CNTLN: variants seen among roughly 807,000 people sequenced by gnomAD.
The protein encoded by CNTLN is centlein, also known as centlein, centrosomal protein.
CNTLN carries 212 observed loss-of-function variants against 180.0 expected under a neutral mutation model. The observed-to-expected ratio is 1.18, with a 90% confidence interval of 1.05 to 1.32. The LOEUF (loss-of-function observed/expected upper bound fraction) is 1.32, where lower values mean the gene tolerates loss of function less well. Among genes scored for constraint, CNTLN ranks in the 40% most tolerant of loss-of-function variants. The probability of loss-of-function intolerance (pLI) is 0.00; values close to 1 mark genes in which losing one functional copy is unlikely to be tolerated. For synonymous variants in CNTLN, 722 were observed against 563.1 expected (o/e 1.28, Z -3.99); for missense variants, 2,095 against 1,610.9 (o/e 1.30, Z -5.14).
chr9:17,245,610 A>G (rs184819399), intron 5 of CNTLN, among the ~76,000 whole-genome samples: 8 of 152,052 alleles, frequency 5.3e-5, no homozygotes, highest in Admixed American at 4.6e-4. Context: ...GTTCTCTGAT[A>G]TTATCCCTTT....
the CNTLN span, among the ~76,000 whole-genome samples, chr9:17,523,480 T>G: frequency 6.6e-6 from 1 of 152,042 alleles, no homozygotes; most frequent in Admixed American, 6.6e-5. Flanking sequence ...CAAGTGATAC[T>G]CCTGCCTCAG....
intron 3 of CNTLN, among the ~76,000 whole-genome samples, chr9:17,233,235 T>TA (rs1163014745): frequency 3.3e-5 from 5 of 152,110 alleles, no homozygotes; most frequent in Non-Finnish European, 7.4e-5. Context: ...ACACATGAAG[T>TA]AAGTTTCGTA....
At chr9:17,505,129 C>T (rs1258738389), downstream of CNTLN, among the ~76,000 whole-genome samples, 1 of 67,864 alleles carries the variant, frequency 1.5e-5, no homozygotes, top group Non-Finnish European at 3.1e-5. Flanking sequence ...CAAAAATTGG[C>T]ACTCATTTAT....
intron 2 of CNTLN, among the ~76,000 whole-genome samples, chr9:17,147,455 G>A (rs954713801): frequency 6.6e-6 from 1 of 151,992 alleles, no homozygotes; most frequent in Non-Finnish European, 1.5e-5. Flanking sequence ...TACTAATTGG[G>A]TACTTATAAG....
chr9:17,164,658 G>T (rs1586972579), intron 2 of CNTLN, among the ~76,000 whole-genome samples: 1 of 150,980 alleles, frequency 6.6e-6, no homozygotes, highest in East Asian at 2.0e-4. Flanking sequence ...TGTTGGCCAG[G>T]CTCGTCTCGA....
chr9:17,476,363 T>G (rs1832346826), intron 23 of CNTLN, among the ~76,000 whole-genome samples: 1 of 152,146 alleles, frequency 6.6e-6, no homozygotes, highest in Admixed American at 6.5e-5. Context: ...GACCTCTAAG[T>G]GTTCAAATGA....
At position 17,432,803 on chromosome 9, in the gene CNTLN, T is replaced by C. The variant is rs370033657; in HGVS notation, c.3114+16614T>C. Among the ~76,000 whole-genome samples the C allele has an allele frequency of 2.6e-5, 4 of 152,100 alleles. No homozygotes were observed. In the East Asian group the frequency reaches 7.7e-4, roughly 29 times the overall value. On this transcript the variant is annotated intron_variant, in intron 18 of 25. Coordinates refer to ENST00000380647, the MANE Select transcript of CNTLN (RefSeq NM_017738.4). The stretch of plus-strand genomic sequence containing the variant: ...GGAAGGCAGAGGTGGGCAGATCACC[T>C]GAGGTCATGAGTTCGAGACCAGCCT...
intron 2 of CNTLN, among the ~76,000 whole-genome samples, chr9:17,187,628 T>C (rs1248232970): frequency 1.3e-5 from 2 of 151,998 alleles, no homozygotes; most frequent in African/African-American, 4.8e-5. Context: ...ACTAGCATTT[T>C]CTTATTTTCC....
chr9:17,160,008 A>G (rs1819566895), intron 2 of CNTLN, among the ~76,000 whole-genome samples: 2 of 152,266 alleles, frequency 1.3e-5, no homozygotes, highest in Middle Eastern at 3.4e-3. Flanking sequence ...TCAATAGATA[A>G]ATACTGGATC....
chr9:17,506,726 A>G (rs56159214), downstream of CNTLN, among the ~76,000 whole-genome samples: 1,078 of 18,092 alleles, frequency 0.06, 6 homozygotes, highest in East Asian at 0.18. Context: ...TTCTCAAATA[A>G]CTGTAAAAAC....
intron 13 of CNTLN, among the ~76,000 whole-genome samples, chr9:17,383,202 G>A (rs890072205): frequency 2.7e-4 from 41 of 152,012 alleles, no homozygotes; most frequent in African/African-American, 9.9e-4. Flanking sequence ...ACAGATTTTG[G>A]TTGCTTCTGT....
chr9:17,194,574 A>G (rs749095951), intron 2 of CNTLN, among the ~76,000 whole-genome samples: 1 of 152,162 alleles, frequency 6.6e-6, no homozygotes, highest in African/African-American at 2.4e-5. Flanking sequence ...TTTATTATCC[A>G]TATCAGTATC....
At chr9:17,288,159 C>T (rs1178732956) in intron 6 of CNTLN, among the ~76,000 whole-genome samples, 1 of 125,046 alleles carries the variant, frequency 8.0e-6, no homozygotes, top group Non-Finnish European at 1.6e-5. Context: ...CTATAAATTT[C>T]CCTCTACACA....
chr9:17,401,104 T>C lies in CNTLN; in HGVS notation c.2615+6035T>C, dbSNP rs143213874. Among the ~76,000 whole-genome samples, 557 of 152,310 alleles carry C rather than the reference T, an allele frequency of 3.7e-3. 4 individuals carry two copies. The highest frequency in any genetic ancestry group is 0.012 in the African/African-American group (519 of 41,572). On this transcript the variant is annotated intron_variant, in intron 15 of 25. Transcript: ENST00000380647. ...TGTCTGTACTTTCTGAAAATAGCAA[T>C]CTTGCTTTAGGTTCCTAGCATTTTA...
intron 2 of CNTLN, among the ~76,000 whole-genome samples, chr9:17,202,122 A>G (rs1822574680): frequency 1.3e-5 from 2 of 152,274 alleles, no homozygotes; most frequent in South Asian, 4.1e-4. Context: ...AGGTTGTTCA[A>G]TTCCCATGTA....
At chr9:17,143,994 A>G (rs1245943846) in intron 2 of CNTLN, among the ~76,000 whole-genome samples, 1 of 152,242 alleles carries the variant, frequency 6.6e-6, no homozygotes, top group Admixed American at 6.5e-5. Flanking sequence ...TAGCACAGCA[A>G]TGAAAACACT....
At chr9:17,209,535 A>C (rs959952134) in intron 2 of CNTLN, among the ~76,000 whole-genome samples, 1 of 152,150 alleles carries the variant, frequency 6.6e-6, no homozygotes, top group Non-Finnish European at 1.5e-5. Flanking sequence ...GCCTCCAGCT[A>C]TTCTTGTACT....
At chr9:17,187,278 A>T (rs1563860735) in intron 2 of CNTLN, among the ~76,000 whole-genome samples, 2 of 152,038 alleles carry the variant, frequency 1.3e-5, no homozygotes, top group South Asian at 2.1e-4. Flanking sequence ...GAAAATGTCA[A>T]ACTCTTTTGT....
At position 17,451,607 on chromosome 9, in the gene CNTLN, A is replaced by T. The variant is rs187136323; in HGVS notation, c.3115-5917A>T. On this transcript the variant is annotated intron_variant, in intron 18 of 25. Coordinates refer to ENST00000380647, the MANE Select transcript of CNTLN (RefSeq NM_017738.4). ...CTAAGCCTCACTTTTTACTCTGGTT[A>T]CTGATTGGCCTTTTTCAATATTGAG... Among the ~76,000 whole-genome samples, 1,220 of 152,272 alleles carry T rather than the reference A, an allele frequency of 8.0e-3. 13 individuals are homozygous for T. Among genetic ancestry groups the T allele is most frequent in the Non-Finnish European group, 0.012 (827 of 68,026 alleles).
Sources: gnomAD v4.1 joint callset for allele counts (sites outside exome capture counted in the v4.1 genomes callset) on GRCh38, gnomAD v4.1.1 for gene constraint, MANE v1.5 for transcripts, NCBI Gene and HGNC (gene_info 2026-07-23, HGNC 2026-07-21) for gene names.